The following ZFPM2 variants were observed in gnomAD, a reference collection of about 807,000 sequenced individuals.
ZFPM2 encodes zinc finger protein, FOG family member 2, also known as zinc finger protein ZFPM2.
Under a neutral mutation model 98.6 loss-of-function variants are expected in ZFPM2, and 20 were observed. That is an observed-to-expected ratio of 0.20 (90% CI 0.14 to 0.29). ZFPM2 has a LOEUF of 0.29. Among genes scored for constraint, ZFPM2 ranks in the 10% least tolerant of loss-of-function variants. The pLI, the probability that ZFPM2 is intolerant of heterozygous loss-of-function variation, is 1.00. For missense variants in ZFPM2, 1,310 were observed against 1,388.6 expected, an observed-to-expected ratio of 0.94 and a Z score of 0.90; for synonymous variants, 518 against 502.7, an observed-to-expected ratio of 1.03 and a Z score of -0.41.
chr8:105,653,854 C>CTTTTTTTTTTTTTTTTTTTTTTTT lies in ZFPM2; in HGVS notation c.532+19507_532+19530dup, dbSNP rs60218363. Among the ~76,000 whole-genome samples, 18 of 35,286 alleles carry CTTTTTTTTTTTTTTTTTTTTTTTT rather than the reference C, an allele frequency of 5.1e-4. 6 individuals are homozygous for CTTTTTTTTTTTTTTTTTTTTTTTT. Among genetic ancestry groups the CTTTTTTTTTTTTTTTTTTTTTTTT allele is most frequent in the Non-Finnish European group, 6.9e-4 (14 of 20,362 alleles). 23.1% of individuals were successfully genotyped at this position (35,286 alleles called of 152,430 possible). ...CTTTATACAACAGCTTGTGTGCTAT[C>CTTTTTTTTTTTTTTTTTTTTTTTT]TTTTTTTTTTTTTTTTTTTTTTTTT... On this transcript the variant is annotated intron_variant, in intron 5 of 7. Coordinates refer to ENST00000407775, the MANE Select transcript of ZFPM2 (RefSeq NM_012082.4).
intron 1 of ZFPM2, among the ~76,000 whole-genome samples, chr8:105,340,603 ATG>A (rs779141405): frequency 1.3e-5 from 2 of 151,968 alleles, no homozygotes; most frequent in Non-Finnish European, 2.9e-5. Context: ...AAAAGTATTG[ATG>A]TGTCTTGTTA....
rs557084496 is a variant in ZFPM2 at position 105,804,033 on chromosome 8, A to G, written c.*495A>G. 6.5e-6 allele frequency: 1 copy of G among 154,826 alleles called. No individual in the cohort carries two copies. Among genetic ancestry groups the G allele is most frequent in the African/African-American group, 2.4e-5 (1 of 41,456 alleles). 9.6% of individuals were successfully genotyped at this position (154,826 alleles called of 1,614,324 possible). A position where few individuals can be genotyped will look rare whatever the true frequency, so the allele number is the denominator to read the frequency against. ...GCTATAAGTTCGCCTTAAGATTTCA[A>G]TTCTTGGATAATCAGGCTCTGTTTG... is the stretch of plus-strand genomic sequence containing the variant. On this transcript the variant is annotated 3_prime_UTR_variant, in exon 8 of 8. Transcript: ENST00000407775.
intron 5 of ZFPM2, among the ~76,000 whole-genome samples, chr8:105,694,487 A>G (rs375986902): frequency 6.6e-6 from 1 of 152,286 alleles, no homozygotes; most frequent in East Asian, 1.9e-4. Context: ...TTTACTTCTT[A>G]GAGACTCAGG....
At chr8:105,407,265 G>T (rs943006620) in intron 1 of ZFPM2, among the ~76,000 whole-genome samples, 2 of 151,812 alleles carry the variant, frequency 1.3e-5, no homozygotes, top group African/African-American at 4.8e-5. Flanking sequence ...ACTAGAAAAA[G>T]ATTATTCACA....
In ZFPM2 at chr8:105,602,639, A is replaced by G. The variant is rs557403975; in HGVS notation, c.421-31607A>G. Among the ~76,000 whole-genome samples, 4 of 152,262 alleles carry G rather than the reference A, an allele frequency of 2.6e-5. No homozygotes were observed. In the South Asian group the frequency reaches 8.3e-4, roughly 32 times the overall value. ...ATTAAATGGCTCATGCCTGTGATAC[A>G]TATGTGTGCATTTGTACATACATGA... On this transcript the variant is annotated intron_variant, in intron 4 of 7. Transcript: ENST00000407775.
At chr8:105,396,495 T>G (rs1417528715) in intron 1 of ZFPM2, among the ~76,000 whole-genome samples, 1 of 152,134 alleles carries the variant, frequency 6.6e-6, no homozygotes, top group East Asian at 1.9e-4. Context: ...TTTGTGGCTG[T>G]GGGAATGAAG....
At chr8:105,345,976 C>T (rs1467256083) in intron 1 of ZFPM2, among the ~76,000 whole-genome samples, 1 of 151,926 alleles carries the variant, frequency 6.6e-6, no homozygotes, top group Admixed American at 6.6e-5. Context: ...GTTTGCCATG[C>T]AAATACAATG....
At chr8:105,647,336 G>A (rs1360763402) in intron 5 of ZFPM2, among the ~76,000 whole-genome samples, 1 of 151,792 alleles carries the variant, frequency 6.6e-6, no homozygotes, top group Non-Finnish European at 1.5e-5. Flanking sequence ...CCACTAAAGT[G>A]CAATCATTCA....
At chr8:105,418,576 T>C (rs2130076450) in intron 1 of ZFPM2, 1 of 518,292 alleles carries the variant, frequency 1.9e-6, no homozygotes, top group African/African-American at 1.9e-5. Flanking sequence ...TAATTATGAA[T>C]AGGGTTATGC....
intron 5 of ZFPM2, among the ~76,000 whole-genome samples, chr8:105,746,795 G>C (rs779854972): frequency 6.6e-6 from 1 of 151,314 alleles, no homozygotes; most frequent in Non-Finnish European, 1.5e-5. Context: ...AGGCCGATGC[G>C]GTTTTTAAAT....
At chr8:105,732,132 G>C (rs958496513) in intron 5 of ZFPM2, among the ~76,000 whole-genome samples, 3 of 151,632 alleles carry the variant, frequency 2.0e-5, no homozygotes, top group African/African-American at 4.8e-5. Context: ...AACAAAAATG[G>C]CAGCTGTCCC....
intron 1 of ZFPM2, among the ~76,000 whole-genome samples, chr8:105,360,514 G>T (rs1205762166): frequency 1.3e-5 from 2 of 151,892 alleles, no homozygotes; most frequent in South Asian, 4.2e-4. Flanking sequence ...GGGTACATGC[G>T]CACAATGTGC....
chr8:105,619,888 T>TC (rs1816498738), intron 4 of ZFPM2, among the ~76,000 whole-genome samples: 1 of 152,178 alleles, frequency 6.6e-6, no homozygotes, highest in East Asian at 1.9e-4. Flanking sequence ...TGCATAGTAT[T>TC]CCATGGTGTA....
chr8:105,667,536 T>C (rs1817512609), intron 5 of ZFPM2, among the ~76,000 whole-genome samples: 1 of 152,222 alleles, frequency 6.6e-6, no homozygotes, highest in African/African-American at 2.4e-5. Flanking sequence ...AGGAAGGTAA[T>C]ACTTTTTGAG....
chr8:105,547,491 A>ACCG (rs1814734489), intron 3 of ZFPM2, among the ~76,000 whole-genome samples: 1 of 146,274 alleles, frequency 6.8e-6, no homozygotes, highest in Non-Finnish European at 1.5e-5. Flanking sequence ...GCAGTGAGCC[A>ACCG]AGATCACACC....
intron 5 of ZFPM2, among the ~76,000 whole-genome samples, chr8:105,783,165 T>TAAGTAAGTTTGTTA (rs1173585225): frequency 2.0e-5 from 3 of 151,168 alleles, no homozygotes; most frequent in Non-Finnish European, 4.4e-5. Flanking sequence ...GTAGCTTTGC[T>TAAGTAAGTTTGTTA]AGGAAAGTCG....
At chr8:105,632,324 C>G (rs923198629) in intron 4 of ZFPM2, among the ~76,000 whole-genome samples, 2 of 152,152 alleles carry the variant, frequency 1.3e-5, no homozygotes, top group African/African-American at 4.8e-5. Context: ...CATGCACCAT[C>G]ACACCTGGCT....
chr8:105,601,245 G>A (rs557882275), intron 4 of ZFPM2, among the ~76,000 whole-genome samples: 10 of 152,160 alleles, frequency 6.6e-5, no homozygotes, highest in African/African-American at 2.4e-4. Context: ...CTAAGCCAAG[G>A]AATTAACAAG....
intron 5 of ZFPM2, among the ~76,000 whole-genome samples, chr8:105,640,310 T>TC (rs1243961087): frequency 6.6e-6 from 1 of 151,302 alleles, no homozygotes; most frequent in Non-Finnish European, 1.5e-5. Flanking sequence ...CAATTTTTTT[T>TC]CCCATTCTTT....
Sources: allele counts gnomAD v4.1 joint callset (sites outside exome capture counted in the v4.1 genomes callset), GRCh38; gene constraint gnomAD v4.1.1; transcripts MANE v1.5; gene names NCBI Gene and HGNC (gene_info 2026-07-23, HGNC 2026-07-21).